The following TRHDE variants were observed in gnomAD, a reference collection of about 807,000 sequenced individuals.
TRHDE encodes thyrotropin-releasing hormone-degrading ectoenzyme.
Under a neutral mutation model 125.7 loss-of-function variants are expected in TRHDE, and 72 were observed. That is an observed-to-expected ratio of 0.57 (90% CI 0.47 to 0.70). The LOEUF (loss-of-function observed/expected upper bound fraction) is 0.70, where lower values mean the gene tolerates loss of function less well. TRHDE is among the 30% of genes least tolerant of loss of function. The pLI is 0.00. For missense variants in TRHDE, 1,110 were observed against 1,327.1 expected (o/e 0.84, Z 2.54); for synonymous variants, 509 against 509.1 (o/e 1.00, Z 0.00).
chr12:72,103,231 T>C (rs1050621609), intron 1 of TRHDE, among the ~76,000 whole-genome samples: 1 of 152,148 alleles, frequency 6.6e-6, no homozygotes, highest in Non-Finnish European at 1.5e-5. Flanking sequence ...AAGAAGGAGA[T>C]TAAAATCCTT....
chr12:72,321,208 A>G (rs899087403), intron 2 of TRHDE, among the ~76,000 whole-genome samples: 1 of 152,194 alleles, frequency 6.6e-6, no homozygotes, highest in Non-Finnish European at 1.5e-5. Context: ...ACTCAGACAC[A>G]GTATGAGTAG....
chr12:72,560,478 C>T (rs1285060105), intron 7 of TRHDE: 2 of 152,114 alleles, frequency 1.3e-5, no homozygotes, highest in African/African-American at 4.8e-5. Context: ...ATAAACAGAA[C>T]CTAAGAGTAA....
intron 2 of TRHDE, among the ~76,000 whole-genome samples, chr12:72,148,337 C>T (rs536719769): frequency 6.6e-6 from 1 of 152,290 alleles, no homozygotes; most frequent in South Asian, 2.1e-4. Flanking sequence ...GAAATTCCAT[C>T]TGACATGTTT....
In TRHDE at chr12:72,621,525, C is replaced by T; in HGVS notation, c.2568-119C>T. The T allele has an allele frequency of 4.1e-6, 3 of 731,588 alleles. No homozygotes were observed. In the South Asian group the frequency reaches 5.6e-5, roughly 14 times the overall value. The allele number at this position is 731,588 out of a possible 1,614,324, so 45.3% of individuals were successfully genotyped here. A position where few individuals can be genotyped will look rare whatever the true frequency, so the allele number is the denominator to read the frequency against. On this transcript the variant is annotated intron_variant, in intron 14 of 18. Coordinates refer to ENST00000261180, the MANE Select transcript of TRHDE (RefSeq NM_013381.3). The stretch of plus-strand genomic sequence containing the variant: ...CTCTGCCTAAGTGACTTTTACTCAG[C>T]AGCATAGGATTTCCAGATCTAAAAA...
chr12:72,229,504 C>T (rs920687247), intron 2 of TRHDE, among the ~76,000 whole-genome samples: 1 of 152,114 alleles, frequency 6.6e-6, no homozygotes, highest in South Asian at 2.1e-4. Flanking sequence ...CAAACCATAT[C>T]AATATGCATC....
At chr12:72,222,905 C>T (rs1345993898) in intron 2 of TRHDE, among the ~76,000 whole-genome samples, 1 of 152,044 alleles carries the variant, frequency 6.6e-6, no homozygotes, top group Non-Finnish European at 1.5e-5. Flanking sequence ...AATTTGTTGC[C>T]ATCTGACCCC....
chr12:72,315,699 C>A (rs575893494), intron 2 of TRHDE, among the ~76,000 whole-genome samples: 2 of 152,274 alleles, frequency 1.3e-5, no homozygotes, highest in Admixed American at 1.3e-4. Flanking sequence ...TGCCAGGACG[C>A]CTGGGTGTCT....
chr12:72,426,343 C>T (rs966980481), intron 3 of TRHDE, among the ~76,000 whole-genome samples: 4 of 151,984 alleles, frequency 2.6e-5, no homozygotes, highest in Admixed American at 6.6e-5. Context: ...AAATTGCAAA[C>T]TTTATGTGAA....
intron 2 of TRHDE, among the ~76,000 whole-genome samples, chr12:72,138,172 T>G (rs1876029208): frequency 6.6e-6 from 1 of 152,110 alleles, no homozygotes; most frequent in Non-Finnish European, 1.5e-5. Context: ...GTCAGGAGAC[T>G]GAGACCATCC....
At chr12:72,471,067 G>T (rs1444379694) in intron 4 of TRHDE, among the ~76,000 whole-genome samples, 1 of 151,726 alleles carries the variant, frequency 6.6e-6, no homozygotes, top group African/African-American at 2.4e-5. Flanking sequence ...AGTAGAGACG[G>T]GGTTTCACCA....
At chr12:72,510,150 T>C (rs1234065677) in intron 6 of TRHDE, among the ~76,000 whole-genome samples, 1 of 152,208 alleles carries the variant, frequency 6.6e-6, no homozygotes, top group Non-Finnish European at 1.5e-5. Flanking sequence ...CCTCCTGTTC[T>C]GCAAGTCTTC....
intron 3 of TRHDE, among the ~76,000 whole-genome samples, chr12:72,415,365 AT>A (rs896376574): frequency 3.3e-5 from 5 of 151,880 alleles, no homozygotes; most frequent in Admixed American, 6.6e-5. Context: ...AACATTTATC[AT>A]TTTTTTTGTT....
At chr12:72,106,329 G>T (rs1183961091) in intron 2 of TRHDE, among the ~76,000 whole-genome samples, 1 of 151,978 alleles carries the variant, frequency 6.6e-6, no homozygotes, top group East Asian at 1.9e-4. Context: ...TTCAATAAAT[G>T]TGAAAAATAC....
At chr12:72,155,471 AT>A (rs1876482084) in intron 2 of TRHDE, among the ~76,000 whole-genome samples, 1 of 151,974 alleles carries the variant, frequency 6.6e-6, no homozygotes, top group Admixed American at 6.6e-5. Context: ...AGGCGCTCTG[AT>A]TTTTAGAGTT....
intron 2 of TRHDE, among the ~76,000 whole-genome samples, chr12:72,182,441 T>C (rs1877113112): frequency 6.6e-6 from 1 of 152,222 alleles, no homozygotes. Flanking sequence ...GGTACCAAAA[T>C]ATCAGCTTTG....
At chr12:72,533,205 G>T (rs1444755277) in intron 6 of TRHDE, among the ~76,000 whole-genome samples, 1 of 149,958 alleles carries the variant, frequency 6.7e-6, no homozygotes, top group Non-Finnish European at 1.5e-5. Context: ...ATGGAGTTTT[G>T]CTCTTGTCAC....
intron 3 of TRHDE, among the ~76,000 whole-genome samples, chr12:72,448,586 A>C (rs1329436574): frequency 6.6e-6 from 1 of 151,972 alleles, no homozygotes; most frequent in Non-Finnish European, 1.5e-5. Flanking sequence ...TCATTTGACT[A>C]TTTTAGAACT....
chr12:72,142,115 A>G (rs1876124983), intron 2 of TRHDE, among the ~76,000 whole-genome samples: 2 of 152,106 alleles, frequency 1.3e-5, no homozygotes, highest in Admixed American at 1.3e-4. Flanking sequence ...CATGCATACA[A>G]TTTCCTAAAC....
At chr12:72,516,819 A>G (rs1027028081) in intron 6 of TRHDE, among the ~76,000 whole-genome samples, 4 of 152,130 alleles carry the variant, frequency 2.6e-5, no homozygotes, top group African/African-American at 9.7e-5. Flanking sequence ...GATACGTCCC[A>G]TCAATACCTA....
Sources: allele counts gnomAD v4.1 joint callset (sites outside exome capture counted in the v4.1 genomes callset), GRCh38; gene constraint gnomAD v4.1.1; transcripts MANE v1.5; gene names NCBI Gene and HGNC (gene_info 2026-07-23, HGNC 2026-07-21).